The following ENTREP2 variants were observed in gnomAD, a reference collection of about 807,000 sequenced individuals.
ENTREP2 encodes the protein protein ENTREP2.
the ENTREP2 span, among the ~76,000 whole-genome samples, chr15:29,164,831 TA>T: frequency 2.6e-5 from 4 of 152,128 alleles, no homozygotes; most frequent in Non-Finnish European, 1.5e-5. Flanking sequence ...CAAATGGACT[TA>T]AAAGATATAT....
chr15:29,207,112 T>G, the ENTREP2 span, among the ~76,000 whole-genome samples: 1 of 152,064 alleles, frequency 6.6e-6, no homozygotes, highest in African/African-American at 2.4e-5. Context: ...TCTTCCTTAC[T>G]CCAGAGCATC....
At chr15:29,249,034 G>C in the ENTREP2 span, among the ~76,000 whole-genome samples, 2 of 152,206 alleles carry the variant, frequency 1.3e-5, no homozygotes, top group Admixed American at 1.3e-4. Context: ...TTTAAAACAT[G>C]GAACAGGCCG....
At chr15:29,640,099 G>T in the ENTREP2 span, among the ~76,000 whole-genome samples, 1 of 152,118 alleles carries the variant, frequency 6.6e-6, no homozygotes. Context: ...GATCAACAAA[G>T]TTGGCCAACC....
At chr15:29,556,762 G>GCCC in the ENTREP2 span, among the ~76,000 whole-genome samples, 636 of 38,578 alleles carry the variant, frequency 0.016, 3 homozygotes, top group African/African-American at 0.037. Context: ...CCATGCAGGT[G>GCCC]CCCCCCCCCC....
chr15:29,456,362 T>A, the ENTREP2 span, among the ~76,000 whole-genome samples: 2 of 152,148 alleles, frequency 1.3e-5, no homozygotes, highest in Non-Finnish European at 2.9e-5. Context: ...GGAGGGGTAG[T>A]GAAGTTGCTG....
chr15:29,381,185 A>C, the ENTREP2 span, among the ~76,000 whole-genome samples: 1 of 143,458 alleles, frequency 7.0e-6, no homozygotes, highest in Non-Finnish European at 1.5e-5. Flanking sequence ...GGCCAGGCGC[A>C]GTGGCTCATG....
At chr15:29,559,683 T>C in the ENTREP2 span, among the ~76,000 whole-genome samples, 1 of 152,096 alleles carries the variant, frequency 6.6e-6, no homozygotes, top group Admixed American at 6.6e-5. Flanking sequence ...GCGTTCATCA[T>C]CCCACCTCCT....
At chr15:29,597,871 C>G in the ENTREP2 span, among the ~76,000 whole-genome samples, 5 of 152,062 alleles carry the variant, frequency 3.3e-5, no homozygotes, top group Admixed American at 3.3e-4. Flanking sequence ...TCTGTAATCC[C>G]AGCATTTTGG....
chr15:29,541,161 T>C, the ENTREP2 span, among the ~76,000 whole-genome samples: 2 of 152,078 alleles, frequency 1.3e-5, no homozygotes, highest in South Asian at 4.1e-4. Flanking sequence ...CATTTGGACA[T>C]AATGTGGATG....
chr15:29,248,954 G>T, the ENTREP2 span, among the ~76,000 whole-genome samples: 5 of 152,178 alleles, frequency 3.3e-5, no homozygotes, highest in Admixed American at 3.3e-4. Context: ...AAAAAGCAGA[G>T]ATATGGTTAA....
the ENTREP2 span, among the ~76,000 whole-genome samples, chr15:29,639,790 C>T: frequency 4.3e-5 from 5 of 115,814 alleles, no homozygotes; most frequent in Non-Finnish European, 6.4e-5. Context: ...TTTTTTGAGA[C>T]GAAGTCTCAC....
At chr15:29,125,987 G>C in the ENTREP2 span, among the ~76,000 whole-genome samples, 1 of 152,182 alleles carries the variant, frequency 6.6e-6, no homozygotes, top group African/African-American at 2.4e-5. Flanking sequence ...CTGGGCCCTG[G>C]AGCACGTGTG....
chr15:29,155,600 T>C, the ENTREP2 span, among the ~76,000 whole-genome samples: 1 of 152,168 alleles, frequency 6.6e-6, no homozygotes, highest in Non-Finnish European at 1.5e-5. Context: ...TCCTAAGAAC[T>C]CTTGTCTCCA....
the ENTREP2 span, among the ~76,000 whole-genome samples, chr15:29,602,998 C>G: frequency 6.6e-6 from 1 of 152,112 alleles, no homozygotes; most frequent in Admixed American, 6.6e-5. Context: ...CAGGAGAGCA[C>G]AGAGGGCAGA....
chr15:29,380,136 G>A, the ENTREP2 span, among the ~76,000 whole-genome samples: 5 of 152,314 alleles, frequency 3.3e-5, no homozygotes, highest in Admixed American at 3.3e-4. Flanking sequence ...GAAGCCAGAA[G>A]AGGAGTACAC....
At chr15:29,665,445 G>T in the ENTREP2 span, among the ~76,000 whole-genome samples, 1 of 152,216 alleles carries the variant, frequency 6.6e-6, no homozygotes, top group Non-Finnish European at 1.5e-5. Context: ...ATCATTCATG[G>T]TGGGTAGCAG....
chr15:29,477,907 C>T, the ENTREP2 span, among the ~76,000 whole-genome samples: 2 of 150,456 alleles, frequency 1.3e-5, no homozygotes, highest in African/African-American at 2.4e-5. Flanking sequence ...GAATCACTGT[C>T]CAGCAGAAGC....
chr15:29,505,482 T>C, the ENTREP2 span, among the ~76,000 whole-genome samples: 1 of 152,188 alleles, frequency 6.6e-6, no homozygotes, highest in Non-Finnish European at 1.5e-5. The surrounding 1 kb of genome is among the most constrained non-coding windows in gnomAD (Gnocchi z 4.3). Flanking sequence ...CAGCAGGGGT[T>C]GACAGACACC....
At chr15:29,335,335 C>G in the ENTREP2 span, among the ~76,000 whole-genome samples, 9 of 152,176 alleles carry the variant, frequency 5.9e-5, no homozygotes, top group Non-Finnish European at 1.2e-4. Flanking sequence ...ACTAATGTAT[C>G]TTCCCACTGC....
Sources: allele counts gnomAD v4.1 joint callset (sites outside exome capture counted in the v4.1 genomes callset), GRCh38; gene constraint gnomAD v4.1.1; non-coding constraint Gnocchi (gnomAD v3.1); transcripts MANE v1.5; gene names NCBI Gene and HGNC (gene_info 2026-07-23, HGNC 2026-07-21).